FBXL13: variants seen among roughly 807,000 people sequenced by gnomAD.
FBXL13 encodes the protein F-box and leucine rich repeat protein 13, also known as F-box and leucine-rich repeat protein 13.
Under a neutral mutation model 83.6 loss-of-function variants are expected in FBXL13, and 67 were observed. The ratio of observed to expected loss-of-function variants is 0.80; its 90% CI spans 0.66 to 0.98. The LOEUF is 0.98. Ranked by LOEUF, FBXL13 falls within the 50% of genes least tolerant of loss-of-function variation. FBXL13 has a pLI of 0.00. For missense variants in FBXL13, 822 were observed against 866.5 expected (o/e 0.95, Z 0.64); for synonymous variants, 272 against 299.5 (o/e 0.91, Z 0.95).
intron 11 of FBXL13, among the ~76,000 whole-genome samples, chr7:102,892,429 T>C (rs891942000): frequency 1.3e-5 from 2 of 152,220 alleles, no homozygotes; most frequent in Admixed American, 6.5e-5. Flanking sequence ...TTTATATAAG[T>C]CCGATTTACA....
chr7:102,834,081 GA>G (rs1177969015), intron 17 of FBXL13, among the ~76,000 whole-genome samples: 3,633 of 83,026 alleles, frequency 0.044, 113 homozygotes, highest in African/African-American at 0.076. Flanking sequence ...AGGAAGGAAG[GA>G]AAGAAAAGAA....
chr7:103,052,388 T>A lies in FBXL13; in HGVS notation c.-1+3256A>T, dbSNP rs563063332. Among the ~76,000 whole-genome samples, 9 of 152,272 alleles carry A rather than the reference T, an allele frequency of 5.9e-5. 1 individual carries two copies. The highest frequency in any genetic ancestry group is 2.0e-4 in the Admixed American group (3 of 15,298). ...ACAAGTGCATGCCACTGTGCCTGGC[T>A]TTAGTGTATATACTTTAAAATATCA... is the stretch of plus-strand genomic sequence containing the variant. On this transcript the variant is annotated intron_variant, in intron 2 of 19. Transcript: ENST00000313221.
chr7:103,016,980 G>A (rs1029972425), intron 6 of FBXL13, among the ~76,000 whole-genome samples: 6 of 152,188 alleles, frequency 3.9e-5, no homozygotes, highest in Non-Finnish European at 7.3e-5. Flanking sequence ...GAGAGTAGTG[G>A]TTCTCCCAGC....
At chr7:102,851,569 CTCTT>C (rs926560598) in intron 17 of FBXL13, among the ~76,000 whole-genome samples, 2 of 146,788 alleles carry the variant, frequency 1.4e-5, no homozygotes, top group African/African-American at 2.5e-5. Context: ...CTCTCTCTCT[CTCTT>C]TCTCTTTCTT....
intron 11 of FBXL13, among the ~76,000 whole-genome samples, chr7:102,890,329 G>A (rs1276368445): frequency 3.9e-5 from 6 of 152,134 alleles, no homozygotes; most frequent in African/African-American, 1.4e-4. Context: ...TCTGATTCCC[G>A]TTTGGTTGTA....
chr7:102,895,947 A>C (rs780707114), intron 11 of FBXL13, among the ~76,000 whole-genome samples: 1 of 152,232 alleles, frequency 6.6e-6, no homozygotes, highest in African/African-American at 2.4e-5. Flanking sequence ...CCATTCATTC[A>C]TGGGAATATT....
chr7:102,856,518 T>C (rs766922107), intron 16 of FBXL13, among the ~76,000 whole-genome samples: 37 of 152,354 alleles, frequency 2.4e-4, no homozygotes, highest in Non-Finnish European at 4.9e-4. Flanking sequence ...ATGAAGTGCA[T>C]TTGCTAAATA....
intron 1 of FBXL13, among the ~76,000 whole-genome samples, chr7:103,060,043 T>TAC (rs1797733304): frequency 1.0e-5 from 1 of 98,858 alleles, no homozygotes; most frequent in African/African-American, 4.6e-5. Flanking sequence ...TATATATATA[T>TAC]ATATATATAT....
intron 8 of FBXL13, among the ~76,000 whole-genome samples, chr7:102,954,040 T>A (rs1238439317): frequency 1.3e-5 from 2 of 152,104 alleles, no homozygotes; most frequent in African/African-American, 4.8e-5. Context: ...ATTTCTGCAT[T>A]TCCAACTGAG....
intron 2 of FBXL13, among the ~76,000 whole-genome samples, chr7:103,037,767 A>T (rs1453254941): frequency 6.6e-6 from 1 of 152,072 alleles, no homozygotes; most frequent in Non-Finnish European, 1.5e-5. Context: ...TGATCATGCC[A>T]CTGCACTCCA....
intron 17 of FBXL13, among the ~76,000 whole-genome samples, chr7:102,843,982 T>C (rs1803489080): frequency 6.6e-6 from 1 of 152,086 alleles, no homozygotes; most frequent in African/African-American, 2.4e-5. Flanking sequence ...GTTACACCCT[T>C]AAAATTCATC....
At chr7:102,926,289 A>G in exon 10 of FBXL13, 1 of 1,613,696 alleles carries the variant, frequency 6.2e-7, no homozygotes, top group Non-Finnish European at 8.5e-7. Flanking sequence ...CAGGAGTCGC[A>G]TCGTCCTGTT....
At chr7:102,826,970 G>A (rs1306799433) in intron 18 of FBXL13, 8 of 316,928 alleles carry the variant, frequency 2.5e-5, no homozygotes. Flanking sequence ...TTATTTGTGA[G>A]AATGTAGCTG....
intron 18 of FBXL13, among the ~76,000 whole-genome samples, chr7:102,825,158 T>C (rs986907554): frequency 1.3e-5 from 2 of 152,180 alleles, no homozygotes; most frequent in African/African-American, 4.8e-5. Context: ...TAGGATAGAT[T>C]TCAGAAAGTG....
chr7:102,849,775 A>T (rs1804859748), intron 17 of FBXL13, among the ~76,000 whole-genome samples: 1 of 152,148 alleles, frequency 6.6e-6, no homozygotes, highest in South Asian at 2.1e-4. Context: ...CAGAAGTATG[A>T]ATCTTGGAAG....
chr7:103,067,232 G>GT (rs1363977114), intron 1 of FBXL13, among the ~76,000 whole-genome samples: 3 of 152,172 alleles, frequency 2.0e-5, no homozygotes, highest in African/African-American at 7.2e-5. Flanking sequence ...TTGCTCAGGG[G>GT]TAAGCACGGA....
intron 16 of FBXL13, among the ~76,000 whole-genome samples, chr7:102,860,676 GCT>G (rs902461729): frequency 3.5e-5 from 5 of 142,408 alleles, no homozygotes; most frequent in African/African-American, 1.4e-4. Context: ...ATGTTGGAAT[GCT>G]CTGTGTGTGT....
chr7:102,949,442 A>T (rs984546884), intron 8 of FBXL13, among the ~76,000 whole-genome samples: 7 of 152,172 alleles, frequency 4.6e-5, no homozygotes, highest in African/African-American at 1.7e-4. Context: ...ACCCTCTGGT[A>T]AGCCCTAGTG....
At chr7:103,015,959 G>GA (rs1316171792) in intron 6 of FBXL13, among the ~76,000 whole-genome samples, 1 of 152,108 alleles carries the variant, frequency 6.6e-6, no homozygotes, top group Non-Finnish European at 1.5e-5. Context: ...CCAAGGAGGT[G>GA]AAAGACCTCT....
Sources: gnomAD v4.1 joint callset for allele counts (sites outside exome capture counted in the v4.1 genomes callset) on GRCh38, gnomAD v4.1.1 for gene constraint, MANE v1.5 for transcripts, NCBI Gene and HGNC (gene_info 2026-07-23, HGNC 2026-07-21) for gene names.